The following HIBADH variants were observed in gnomAD, a reference collection of about 807,000 sequenced individuals.
HIBADH encodes 3-hydroxyisobutyrate dehydrogenase, also known as 3-hydroxyisobutyrate dehydrogenase, mitochondrial.
A neutral mutation model predicts 36.1 loss-of-function variants in HIBADH; 25 were observed. The ratio of observed to expected loss-of-function variants is 0.69; its 90% CI spans 0.50 to 0.97. The LOEUF (loss-of-function observed/expected upper bound fraction) is 0.97. Among genes scored for constraint, HIBADH ranks in the 50% least tolerant of loss-of-function variants. HIBADH has a pLI of 0.00. For missense variants in HIBADH, 421 were observed against 418.0 expected, an observed-to-expected ratio of 1.01 and a Z score of -0.06; for synonymous variants, 160 against 149.5, an observed-to-expected ratio of 1.07 and a Z score of -0.51.
intron 4 of HIBADH, among the ~76,000 whole-genome samples, chr7:27,591,290 G>A (rs184725391): frequency 9.3e-4 from 141 of 152,260 alleles, no homozygotes; most frequent in African/African-American, 3.0e-3. Flanking sequence ...GGTGGCTCAC[G>A]CCTGTAATCC....
chr7:27,554,130 C>T (rs531568417), intron 4 of HIBADH, among the ~76,000 whole-genome samples: 4 of 152,292 alleles, frequency 2.6e-5, no homozygotes, highest in African/African-American at 7.2e-5. Context: ...GGATTACAGG[C>T]GCCCACTACC....
At chr7:27,634,308 G>T (rs1785799035) in intron 2 of HIBADH, among the ~76,000 whole-genome samples, 1 of 151,938 alleles carries the variant, frequency 6.6e-6, no homozygotes, top group Non-Finnish European at 1.5e-5. Context: ...ATATAATGAG[G>T]ACTTGCTACA....
chr7:27,606,334 T>TA (rs1196195675), intron 4 of HIBADH, among the ~76,000 whole-genome samples: 2 of 152,170 alleles, frequency 1.3e-5, no homozygotes, highest in Non-Finnish European at 2.9e-5. Context: ...ACAAAGGCCC[T>TA]AAATAAACAC....
At chr7:27,653,152 A>G (rs556373649) in intron 1 of HIBADH, among the ~76,000 whole-genome samples, 5 of 152,302 alleles carry the variant, frequency 3.3e-5, no homozygotes, top group Admixed American at 3.3e-4. Context: ...AAAGGAATTC[A>G]ACATATAAAT....
At chr7:27,662,674 G>A (rs1562665825) in intron 1 of HIBADH, 24 bp downstream of exon 1, 2 of 1,277,168 alleles carry the variant, frequency 1.6e-6, no homozygotes, top group Non-Finnish European at 1.0e-6. Flanking sequence ...GAAGGACAAG[G>A]GGGAGGAGGC....
At chr7:27,662,541 C>G (rs1022533347) in intron 1 of HIBADH, among the ~76,000 whole-genome samples, 157 bp downstream of exon 1, 2 of 152,132 alleles carry the variant, frequency 1.3e-5, no homozygotes, top group Non-Finnish European at 2.9e-5. Context: ...GAGTGGCGGC[C>G]GCAGAAAAGG....
intron 4 of HIBADH, among the ~76,000 whole-genome samples, chr7:27,564,522 C>T (rs557186255): frequency 1.3e-5 from 2 of 152,304 alleles, no homozygotes; most frequent in African/African-American, 4.8e-5. Flanking sequence ...TCACTGATCT[C>T]TATGTCTTTC....
At chr7:27,629,543 T>A in intron 3 of HIBADH, 51 bp from the exon 4 acceptor site, 1 of 1,296,466 alleles carries the variant, frequency 7.7e-7, no homozygotes, top group Non-Finnish European at 1.0e-6. Context: ...AGTAAAAATT[T>A]CATGCAACTA....
chr7:27,638,526 G>T (rs1785898118), intron 2 of HIBADH, among the ~76,000 whole-genome samples: 1 of 151,986 alleles, frequency 6.6e-6, no homozygotes, highest in Non-Finnish European at 1.5e-5. Context: ...TCTAGACATA[G>T]GACCTGGAAA....
chr7:27,601,361 A>C (rs1438072962), intron 4 of HIBADH, among the ~76,000 whole-genome samples: 2 of 152,128 alleles, frequency 1.3e-5, no homozygotes, highest in African/African-American at 4.8e-5. Context: ...TTTCAGTACA[A>C]CACCAAATGA....
intron 4 of HIBADH, among the ~76,000 whole-genome samples, chr7:27,583,732 T>C (rs1208161783): frequency 6.6e-6 from 1 of 152,004 alleles, no homozygotes; most frequent in Non-Finnish European, 1.5e-5. Context: ...TTTTTGGTCT[T>C]AGGATTTCTT....
chr7:27,638,457 G>T (rs1313208156), intron 2 of HIBADH, among the ~76,000 whole-genome samples: 3 of 151,802 alleles, frequency 2.0e-5, no homozygotes, highest in Admixed American at 6.6e-5. Context: ...GTGGATTAAA[G>T]ACTTAAATGT....
In HIBADH at chr7:27,632,328, A is replaced by G. The variant is rs764304571; in HGVS notation, c.362+8T>C. ...ACAAGAAAATATCCACAGGTGAGAA[A>G]TACATACTTTAGAATCCCATTTGCT... On this transcript the variant is annotated splice_region_variant and intron_variant, in intron 3 of 7. Coordinates refer to ENST00000265395, the MANE Select transcript of HIBADH (RefSeq NM_152740.4). 1.3e-6 allele frequency: 2 copies of G among 1,528,834 alleles called. No homozygotes were observed. The highest frequency in any genetic ancestry group is 4.5e-5 in the East Asian group (2 of 44,462). The allele number at this position is 1,528,834 out of a possible 1,614,324, so 94.7% of individuals were successfully genotyped here. A position where few individuals can be genotyped will look rare whatever the true frequency, so the allele number is the denominator to read the frequency against.
intron 4 of HIBADH, among the ~76,000 whole-genome samples, chr7:27,564,710 T>C (rs1784519456): frequency 6.6e-6 from 1 of 152,216 alleles, no homozygotes; most frequent in Admixed American, 6.5e-5. Flanking sequence ...TAGTGCTAAA[T>C]TGGGGGAAAT....
chr7:27,662,240 G>A (rs1191825219), intron 1 of HIBADH, among the ~76,000 whole-genome samples: 1 of 152,158 alleles, frequency 6.6e-6, no homozygotes, highest in Non-Finnish European at 1.5e-5. Context: ...TCGGACTCAG[G>A]TGGTTAAACA....
intron 4 of HIBADH, among the ~76,000 whole-genome samples, chr7:27,602,664 G>A (rs1298788907): frequency 1.3e-5 from 2 of 152,126 alleles, no homozygotes; most frequent in Non-Finnish European, 2.9e-5. Flanking sequence ...ATTGCTGAAC[G>A]TTTTACATTA....
chr7:27,579,371 T>C (rs774635954), intron 4 of HIBADH, among the ~76,000 whole-genome samples: 2 of 152,142 alleles, frequency 1.3e-5, no homozygotes, highest in East Asian at 1.9e-4. Context: ...AATAATTACA[T>C]AGCAGAGCAC....
At chr7:27,554,511 A>G (rs1784364005) in intron 4 of HIBADH, among the ~76,000 whole-genome samples, 1 of 152,188 alleles carries the variant, frequency 6.6e-6, no homozygotes, top group Non-Finnish European at 1.5e-5. Flanking sequence ...AATTACCACC[A>G]ATACCACACC....
In HIBADH at chr7:27,662,821, C is replaced by A; in HGVS notation, c.-33G>T. ...CCGCCCCTCTCCCCGCGGTGACCTC[C>A]GCCGCCTCCCGGAGGGCCCACAGAC... is the stretch of plus-strand genomic sequence containing the variant. On this transcript the variant is annotated 5_prime_UTR_variant, in exon 1 of 8. Transcript: ENST00000265395. The A allele has an allele frequency of 4.2e-6, 6 of 1,442,686 alleles. No individual in the cohort carries two copies. Among genetic ancestry groups the A allele is most frequent in the Non-Finnish European group, 4.6e-6 (5 of 1,088,490 alleles). 89.4% of individuals were successfully genotyped at this position (1,442,686 alleles called of 1,614,324 possible).
Sources: gnomAD v4.1 joint callset for allele counts (sites outside exome capture counted in the v4.1 genomes callset) on GRCh38, gnomAD v4.1.1 for gene constraint, MANE v1.5 for transcripts, NCBI Gene and HGNC (gene_info 2026-07-23, HGNC 2026-07-21) for gene names.